CDH18: variants seen among roughly 807,000 people sequenced by gnomAD.
CDH18 encodes cadherin-18.
A neutral mutation model predicts 67.9 loss-of-function variants in CDH18; 31 were observed. That is an observed-to-expected ratio of 0.46 (90% CI 0.34 to 0.62). CDH18 has a LOEUF of 0.62. Ranked by LOEUF, CDH18 falls within the 20% of genes least tolerant of loss-of-function variation. The probability of loss-of-function intolerance (pLI) is 0.01; values close to 1 mark genes in which losing one functional copy is unlikely to be tolerated. For missense variants in CDH18, 890 were observed against 975.5 expected (o/e 0.91, Z 1.17); for synonymous variants, 362 against 347.2 (o/e 1.04, Z -0.48).
At chr5:20,089,363 G>A (rs1403076392) in intron 2 of CDH18, among the ~76,000 whole-genome samples, 1 of 152,096 alleles carries the variant, frequency 6.6e-6, no homozygotes, top group Non-Finnish European at 1.5e-5. Context: ...TATATCAAGT[G>A]ATTAAACTGC....
At chr5:20,390,591 G>T (rs905978393) in intron 1 of CDH18, among the ~76,000 whole-genome samples, 6 of 152,136 alleles carry the variant, frequency 3.9e-5, no homozygotes, top group South Asian at 2.1e-4. Flanking sequence ...ATTCCTCAGG[G>T]ATCTAGAACT....
chr5:20,075,787 G>C (rs10434604), intron 2 of CDH18, among the ~76,000 whole-genome samples: 114,504 of 152,024 alleles, frequency 0.75, 46,238 homozygotes, highest in Non-Finnish European at 0.9. Context: ...TGATAATTTA[G>C]GTTGTGATTA....
intron 1 of CDH18, among the ~76,000 whole-genome samples, chr5:20,427,192 A>G (rs1021495050): frequency 4.6e-5 from 7 of 151,244 alleles, no homozygotes; most frequent in Non-Finnish European, 7.4e-5. Flanking sequence ...AAAAGTCATT[A>G]CAAATGGTTT....
At chr5:19,903,617 C>CTTT (rs59678864) in intron 2 of CDH18, among the ~76,000 whole-genome samples, 36 of 89,962 alleles carry the variant, frequency 4.0e-4, no homozygotes, top group East Asian at 7.5e-4. Context: ...AGCAAAGTGG[C>CTTT]TTTTTTTTTT....
At chr5:20,349,366 A>G (rs1484067679) in intron 1 of CDH18, among the ~76,000 whole-genome samples, 1 of 152,180 alleles carries the variant, frequency 6.6e-6, no homozygotes, top group Non-Finnish European at 1.5e-5. Context: ...TCCGTTAAAA[A>G]TGCAGAATTC....
intron 2 of CDH18, among the ~76,000 whole-genome samples, chr5:20,230,841 A>G (rs1448131912): frequency 6.6e-6 from 1 of 152,184 alleles, no homozygotes; most frequent in African/African-American, 2.4e-5. Context: ...CATTTCTCTG[A>G]ACAAACAAAC....
chr5:19,624,704 C>G (rs1461379279), intron 5 of CDH18, among the ~76,000 whole-genome samples: 1 of 152,118 alleles, frequency 6.6e-6, no homozygotes, highest in Non-Finnish European at 1.5e-5. Flanking sequence ...GAATGCACTC[C>G]CCATGCTGGA....
intron 3 of CDH18, among the ~76,000 whole-genome samples, chr5:19,761,858 T>C (rs897225140): frequency 1.5e-4 from 23 of 152,264 alleles, no homozygotes; most frequent in African/African-American, 5.5e-4. Context: ...AAGGCTACAG[T>C]AACCAAAACA....
At chr5:19,574,617 T>C (rs1742006852) in intron 7 of CDH18, among the ~76,000 whole-genome samples, 1 of 152,112 alleles carries the variant, frequency 6.6e-6, no homozygotes, top group Non-Finnish European at 1.5e-5. Context: ...ATGGTATTTA[T>C]AGTATTAGTA....
chr5:20,172,222 A>G (rs199613854), intron 2 of CDH18, among the ~76,000 whole-genome samples: 4 of 39,670 alleles, frequency 1.0e-4, no homozygotes, highest in African/African-American at 2.9e-4. Context: ...ATATATATAT[A>G]TGTATATATA....
At chr5:19,948,555 A>G (rs1795487400) in intron 2 of CDH18, among the ~76,000 whole-genome samples, 6 of 152,194 alleles carry the variant, frequency 3.9e-5, no homozygotes, top group Non-Finnish European at 7.3e-5. Context: ...AGTGCAGCAC[A>G]AGGGAGGCTT....
intron 3 of CDH18, among the ~76,000 whole-genome samples, chr5:19,822,773 G>A (rs962593540): frequency 2.6e-5 from 4 of 152,134 alleles, no homozygotes; most frequent in Admixed American, 6.5e-5. Context: ...TTTCGGGCAC[G>A]CATTGTCATT....
intron 2 of CDH18, among the ~76,000 whole-genome samples, chr5:19,917,981 G>C (rs753086186): frequency 6.6e-6 from 1 of 152,154 alleles, no homozygotes; most frequent in Non-Finnish European, 1.5e-5. Context: ...TGTGGGAGAT[G>C]AGTAAGGTAA....
intron 2 of CDH18, among the ~76,000 whole-genome samples, chr5:20,054,563 G>A (rs1437472096): frequency 4.6e-5 from 7 of 152,062 alleles, no homozygotes; most frequent in Admixed American, 2.0e-4. Flanking sequence ...GGTCTTTAGC[G>A]TCTATTTTAT....
At position 20,008,869 on chromosome 5, in the gene CDH18, C is replaced by T. The variant is rs777685092; in HGVS notation, c.-517-16855G>A. 4.6e-5 allele frequency among the ~76,000 whole-genome samples: 7 copies of T among 152,052 alleles called. No individual in the cohort carries two copies. In the East Asian group the frequency reaches 1.2e-3, roughly 25 times the overall value. On this transcript the variant is annotated intron_variant, in intron 2 of 14. Coordinates refer to the CDH18 transcript ENST00000507958. The stretch of plus-strand genomic sequence containing the variant: ...GTACCTGCCCACAAAGTTGTTACAG[C>T]GATACATGAGAAGCAGACTTGTAAA...
chr5:19,542,793 ATT>A (rs35025228), intron 9 of CDH18, among the ~76,000 whole-genome samples: 2 of 148,162 alleles, frequency 1.3e-5, no homozygotes, highest in African/African-American at 4.9e-5. Context: ...GTAATGCAGA[ATT>A]TTTTTTTTTG....
chr5:19,900,688 ATG>A (rs1789854018), intron 2 of CDH18, among the ~76,000 whole-genome samples: 1 of 152,180 alleles, frequency 6.6e-6, no homozygotes, highest in African/African-American at 2.4e-5. Flanking sequence ...TTTTAAAAGA[ATG>A]AATGGATATA....
intron 1 of CDH18, among the ~76,000 whole-genome samples, chr5:20,497,700 A>G (rs1451014385): frequency 6.6e-6 from 1 of 152,164 alleles, no homozygotes; most frequent in Non-Finnish European, 1.5e-5. Context: ...ATGAAAGTAG[A>G]TATTTTAAGA....
At chr5:19,893,668 G>C (rs1034025269) in intron 2 of CDH18, among the ~76,000 whole-genome samples, 2 of 152,054 alleles carry the variant, frequency 1.3e-5, no homozygotes, top group Non-Finnish European at 2.9e-5. Context: ...AACTGTAGGG[G>C]AACTTCAGTC....
Sources: allele counts gnomAD v4.1 joint callset (sites outside exome capture counted in the v4.1 genomes callset), GRCh38; gene constraint gnomAD v4.1.1; transcripts MANE v1.5; gene names NCBI Gene and HGNC (gene_info 2026-07-23, HGNC 2026-07-21).